Variants in RGS6 observed in about 807,000 individuals in gnomAD.
The protein encoded by RGS6 is regulator of G-protein signaling 6.
RGS6 carries 30 observed loss-of-function variants against 78.5 expected under a neutral mutation model. The observed-to-expected ratio is 0.38, with a 90% CI of 0.29 to 0.52. The LOEUF (loss-of-function observed/expected upper bound fraction) is 0.52. Ranked by LOEUF, RGS6 falls within the 20% of genes least tolerant of loss-of-function variation. RGS6 has a pLI of 0.85. For missense variants in RGS6, 495 were observed against 609.7 expected (o/e 0.81, Z 1.98); for synonymous variants, 206 against 206.0 (o/e 1.00, Z 0.00).
intron 2 of RGS6, among the ~76,000 whole-genome samples, chr14:72,031,278 T>G (rs780953717): frequency 6.6e-6 from 1 of 152,188 alleles, no homozygotes; most frequent in Non-Finnish European, 1.5e-5. Context: ...TATGAATGGA[T>G]ACTTAGGAAA....
At chr14:72,417,078 A>G (rs1215964023) in intron 3 of RGS6, among the ~76,000 whole-genome samples, 1 of 152,172 alleles carries the variant, frequency 6.6e-6, no homozygotes, top group Non-Finnish European at 1.5e-5. Context: ...GTCACCCTTC[A>G]GGGATTTATC....
intron 2 of RGS6, among the ~76,000 whole-genome samples, chr14:72,288,057 T>C (rs1444071198): frequency 6.6e-6 from 1 of 152,220 alleles, no homozygotes; most frequent in Non-Finnish European, 1.5e-5. Flanking sequence ...TTTTCTTTTC[T>C]TGTAGTGTCT....
At chr14:72,407,949 C>T (rs1281573811) in intron 3 of RGS6, among the ~76,000 whole-genome samples, 1 of 152,196 alleles carries the variant, frequency 6.6e-6, no homozygotes, top group African/African-American at 2.4e-5. Context: ...ACTATGAAAC[C>T]TCCAGGCTTA....
chr14:72,460,796 T>C (rs773893092), intron 6 of RGS6, among the ~76,000 whole-genome samples: 6 of 152,048 alleles, frequency 3.9e-5, no homozygotes, highest in African/African-American at 1.2e-4. Flanking sequence ...GAGGGAGATG[T>C]GCAGCTGGGT....
chr14:71,982,643 C>A (rs534357785), intron 2 of RGS6, among the ~76,000 whole-genome samples: 3 of 152,282 alleles, frequency 2.0e-5, no homozygotes, highest in African/African-American at 7.2e-5. Context: ...TATGACACTG[C>A]CAAAAGCTCT....
Position 72,564,679 on chromosome 14 carries a change from G to T in RGS6, c.*2212G>T, listed in dbSNP as rs2097701592. ...CTAAGCCAGGCTGCAGACAGGGCAG[G>T]GTTGGCTTCTTGGCCATTCCCTCTG... On this transcript the variant is annotated 3_prime_UTR_variant, in exon 18 of 18. Transcript: ENST00000553525. 6.6e-6 allele frequency: 1 copy of T among 152,288 alleles called. No homozygotes were observed. The highest frequency in any genetic ancestry group is 1.5e-5 in the Non-Finnish European group (1 of 68,138). 9.4% of individuals were successfully genotyped at this position (152,288 alleles called of 1,614,324 possible).
At chr14:71,980,758 A>G (rs1276211797) in intron 2 of RGS6, among the ~76,000 whole-genome samples, 3 of 79,824 alleles carry the variant, frequency 3.8e-5, no homozygotes, top group Non-Finnish European at 7.6e-5. Flanking sequence ...GCTCTTCTCG[A>G]GGAGTATCTT....
At chr14:72,452,948 A>G (rs1423130236) in intron 3 of RGS6, among the ~76,000 whole-genome samples, 2 of 152,174 alleles carry the variant, frequency 1.3e-5, no homozygotes, top group Admixed American at 6.5e-5. Context: ...GATTGGGAAC[A>G]TATGGTGAGG....
intron 2 of RGS6, among the ~76,000 whole-genome samples, chr14:72,040,402 T>A (rs1346762039): frequency 6.6e-6 from 1 of 152,106 alleles, no homozygotes. Flanking sequence ...GTGTTGGCTT[T>A]TTTTTTTCTT....
chr14:72,518,955 G>T (rs907140072), intron 15 of RGS6, among the ~76,000 whole-genome samples: 10 of 152,208 alleles, frequency 6.6e-5, no homozygotes, highest in African/African-American at 9.6e-5. Flanking sequence ...CACTGCTTCC[G>T]CAGTGATCTC....
At chr14:71,981,633 G>A (rs2094460573) in intron 2 of RGS6, among the ~76,000 whole-genome samples, 1 of 151,842 alleles carries the variant, frequency 6.6e-6, no homozygotes, top group African/African-American at 2.4e-5. Context: ...TGAGGAGGCA[G>A]TCTGCCCGTT....
chr14:72,193,113 C>T (rs1380950984), intron 2 of RGS6, among the ~76,000 whole-genome samples: 2 of 152,082 alleles, frequency 1.3e-5, no homozygotes, highest in Non-Finnish European at 1.5e-5. Context: ...CCTGCCTCAG[C>T]CTCCCAAGTA....
chr14:72,337,372 G>A (rs2238195), intron 2 of RGS6, among the ~76,000 whole-genome samples: 44,735 of 151,376 alleles, frequency 0.3, 6,930 homozygotes, highest in African/African-American at 0.4. Context: ...GATCTGCATC[G>A]CTCCTCTCTA....
At chr14:72,323,170 CAAT>C (rs1045036087) in intron 2 of RGS6, among the ~76,000 whole-genome samples, 3 of 151,786 alleles carry the variant, frequency 2.0e-5, no homozygotes, top group African/African-American at 7.3e-5. Flanking sequence ...ATAGTATAAA[CAAT>C]AAGGAAATAC....
At chr14:72,412,846 A>T (rs1421424698) in intron 3 of RGS6, among the ~76,000 whole-genome samples, 2 of 152,144 alleles carry the variant, frequency 1.3e-5, no homozygotes, top group Non-Finnish European at 1.5e-5. Context: ...ATTCAGGAGC[A>T]GGTTGTTCAG....
intron 2 of RGS6, among the ~76,000 whole-genome samples, chr14:72,195,598 C>T (rs140345213): frequency 4.6e-5 from 7 of 152,254 alleles, no homozygotes; most frequent in East Asian, 3.9e-4. Context: ...GGCGCTTGAA[C>T]GAAGAGCTGA....
intron 3 of RGS6, among the ~76,000 whole-genome samples, chr14:72,445,620 A>G (rs1259815748): frequency 6.6e-6 from 1 of 152,184 alleles, no homozygotes; most frequent in African/African-American, 2.4e-5. Context: ...AATTGAGGAA[A>G]AATTTAAAAC....
At chr14:72,014,782 TTTCTTTGAAAGACAGTGTTTTAG>T (rs908323598) in intron 2 of RGS6, among the ~76,000 whole-genome samples, 15 of 152,162 alleles carry the variant, frequency 9.9e-5, no homozygotes, top group African/African-American at 3.6e-4. Context: ...TTCCCTGTTT[TTTCTTTGAAAGACAGTGTTTTAG>T]ATATTCCTAA....
At chr14:72,554,396 T>C (rs1240258538) in intron 17 of RGS6, among the ~76,000 whole-genome samples, 1 of 152,262 alleles carries the variant, frequency 6.6e-6, no homozygotes, top group Admixed American at 6.5e-5. Flanking sequence ...AGTAACTAAA[T>C]TCCAGCTTCA....
Sources: allele counts gnomAD v4.1 joint callset (sites outside exome capture counted in the v4.1 genomes callset), GRCh38; gene constraint gnomAD v4.1.1; transcripts MANE v1.5; gene names NCBI Gene and HGNC (gene_info 2026-07-23, HGNC 2026-07-21).